DCN: variants seen among roughly 807,000 people sequenced by gnomAD.
DCN encodes the protein bone proteoglycan II.
A neutral mutation model predicts 36.5 loss-of-function variants in DCN; 17 were observed. The ratio of observed to expected loss-of-function variants is 0.47; its 90% CI spans 0.32 to 0.70. The LOEUF (loss-of-function observed/expected upper bound fraction) is 0.70. Ranked by LOEUF, DCN falls within the 30% of genes least tolerant of loss-of-function variation. DCN has a pLI of 0.04. For missense variants in DCN, 389 were observed against 430.1 expected (o/e 0.90, Z 0.84); for synonymous variants, 163 against 161.4 (o/e 1.01, Z -0.07).
intron 1 of DCN, among the ~76,000 whole-genome samples, chr12:91,182,113 TA>T (rs1868427239): frequency 6.6e-6 from 1 of 152,130 alleles, no homozygotes; most frequent in Admixed American, 6.6e-5. Flanking sequence ...TTTAATAACA[TA>T]AATATTTTCA....
rs1421741249 is a variant in DCN at position 91,146,192 on chromosome 12, C to T, written c.946G>A (p.Gly316Arg). 3.7e-6 allele frequency: 6 copies of T among 1,613,328 alleles called. No individual in the cohort carries two copies. The highest frequency in any genetic ancestry group is 2.7e-5 in the African/African-American group (2 of 74,792). ...TAAGAAGCCTTTTTGGTGTTGTGTC[C>T]AGGTGGGCAGAAGTCACTTGATCCA... The part of the protein sequence containing the change: ...VVGSSDFCPP[G>R]HNTKKASYSG... Residue 316 changes from glycine (G) to arginine (R), a missense_variant, in exon 8 of 8, where the codon GGA (glycine) becomes AGA (arginine). By Grantham distance (125) the Gly-to-Arg change is moderately radical. Coordinates refer to ENST00000052754, the MANE Select transcript of DCN (RefSeq NM_001920.5).
At chr12:91,173,142 G>A (rs1432048749) in intron 2 of DCN, among the ~76,000 whole-genome samples, 1 of 151,810 alleles carries the variant, frequency 6.6e-6, no homozygotes, top group Admixed American at 6.6e-5. Flanking sequence ...GAGGAACTAT[G>A]TAATCTTTTT....
At chr12:91,182,551 T>C (rs1565792858) in intron 1 of DCN, 104 bp downstream of exon 1, 1 of 152,116 alleles carries the variant, frequency 6.6e-6, no homozygotes, top group Non-Finnish European at 1.5e-5. Flanking sequence ...TAACAGTTTT[T>C]TTTTTCCTTT....
chr12:91,169,397 A>C lies in DCN; in HGVS notation c.212-4680T>G, dbSNP rs560980736. Among the ~76,000 whole-genome samples the C allele has an allele frequency of 5.3e-3, 809 of 151,252 alleles. 5 individuals are homozygous for C. The highest frequency in any genetic ancestry group is 0.017 in the South Asian group (79 of 4,762). On this transcript the variant is annotated intron_variant, in intron 2 of 7. Transcript: ENST00000052754. ...TCCTGTCAAAAAAAAAAAAAAAAAA[A>C]AAAACCAAAAAACAGAAGCTATTTT...
chr12:91,172,593 CT>C, intron 2 of DCN: 1 of 476,324 alleles, frequency 2.1e-6, no homozygotes, highest in Non-Finnish European at 3.7e-6. Context: ...AATTTCTAAG[CT>C]TCCTGGTTTT....
At chr12:91,167,695 G>A (rs555907390) in intron 2 of DCN, among the ~76,000 whole-genome samples, 41 of 152,274 alleles carry the variant, frequency 2.7e-4, no homozygotes, top group African/African-American at 9.9e-4. Context: ...TTTTAAGGCA[G>A]TCTAATCTTC....
intron 2 of DCN, chr12:91,177,332 C>T (rs895617602): frequency 2.1e-6 from 1 of 479,390 alleles, no homozygotes; most frequent in African/African-American, 2.0e-5. Flanking sequence ...CATTTTTCTT[C>T]TGCAAACTAC....
chr12:91,169,921 G>T (rs985153151), intron 2 of DCN: 3 of 152,004 alleles, frequency 2.0e-5, no homozygotes, highest in Admixed American at 6.6e-5. Flanking sequence ...AAAATTAGCC[G>T]GGCGTGGTGG....
intron 1 of DCN, among the ~76,000 whole-genome samples, chr12:91,179,997 A>C (rs1187785880): frequency 2.6e-5 from 4 of 152,202 alleles, no homozygotes; most frequent in Non-Finnish European, 5.9e-5. Context: ...AAATCAACTG[A>C]AGTGCACTAA....
intron 7 of DCN, among the ~76,000 whole-genome samples, chr12:91,149,789 C>T (rs1367538390): frequency 1.3e-5 from 2 of 152,050 alleles, no homozygotes; most frequent in African/African-American, 4.8e-5. Context: ...TATGTTTATA[C>T]ATTAGCAGCA....
chr12:91,162,382 A>G (rs571876151), intron 3 of DCN, among the ~76,000 whole-genome samples: 16 of 152,316 alleles, frequency 1.1e-4, no homozygotes, highest in African/African-American at 3.8e-4. Flanking sequence ...AAAGTTTATA[A>G]CTAAATGGTA....
rs1247944180 is a variant in DCN, at chr12:91,141,905, G to T, written c.*4153C>A. On this transcript the variant is annotated 3_prime_UTR_variant, in exon 8 of 8. Coordinates refer to ENST00000052754, the MANE Select transcript of DCN (RefSeq NM_001920.5). ...GTTATCTTATACTGGGGTAGGGTGTGCATATGCCCTTTCTTTTGGCTCAAA... is the reference window on the plus strand; with the variant it reads ...GTTATCTTATACTGGGGTAGGGTGTTCATATGCCCTTTCTTTTGGCTCAAA... 1 of 152,136 alleles carries T rather than the reference G, an allele frequency of 6.6e-6. No individual in the cohort carries two copies. Among genetic ancestry groups the T allele is most frequent in the Non-Finnish European group, 1.5e-5 (1 of 68,020 alleles). 9.4% of individuals were successfully genotyped at this position (152,136 alleles called of 1,614,324 possible). A position where few individuals can be genotyped will look rare whatever the true frequency, so the allele number is the denominator to read the frequency against.
chr12:91,178,373 G>A lies in DCN; in HGVS notation c.180C>T (p.Cys60=). ...LGPVCPFRCQ[C]HLRVVQCSDL... is the part of the protein sequence containing the mutation. ...CAGAACACTGGACCACTCGAAGATG[G>A]CATTGACAGCGGAAGGGGCACACTG... The change falls in exon 2 of 8, where the codon TGC becomes TGT. Residue 60 remains cysteine (C), a synonymous_variant. Transcript: ENST00000052754. The A allele has an allele frequency of 6.2e-7, 1 of 1,613,922 alleles. No homozygotes were observed. The highest frequency in any genetic ancestry group is 8.5e-7 in the Non-Finnish European group (1 of 1,179,960).
At chr12:91,153,528 A>G (rs1881571667) in intron 5 of DCN, among the ~76,000 whole-genome samples, 1 of 152,112 alleles carries the variant, frequency 6.6e-6, no homozygotes, top group East Asian at 1.9e-4. Context: ...ACTGACGTTG[A>G]TAAAAGATAG....
chr12:91,153,269 A>G, intron 5 of DCN, 80 bp from the exon 6 acceptor site: 2 of 822,300 alleles, frequency 2.4e-6, no homozygotes, highest in South Asian at 2.7e-5. Context: ...AAGAAGACAT[A>G]TGCCATCAAT....
intron 7 of DCN, chr12:91,150,729 T>A (rs1472659218): frequency 6.6e-6 from 1 of 152,160 alleles, no homozygotes; most frequent in Admixed American, 6.5e-5. Flanking sequence ...GACCCAGCAA[T>A]CCCATTACTG....
rs1369405529 is a variant in DCN at position 91,145,201 on chromosome 12, ATACT to A, written c.*853_*856del. 5 of 152,350 alleles carry A rather than the reference ATACT, an allele frequency of 3.3e-5. No individual in the cohort carries two copies. Among genetic ancestry groups the A allele is most frequent in the African/African-American group, 1.2e-4 (5 of 41,594 alleles). The allele number at this position is 152,350 out of a possible 1,614,324, so 9.4% of individuals were successfully genotyped here. On this transcript the variant is annotated 3_prime_UTR_variant, in exon 8 of 8. Coordinates refer to ENST00000052754, the MANE Select transcript of DCN (RefSeq NM_001920.5). Reference sequence around the variant, plus strand: ...AACATGGGTGGTTTAACTAAAGAAAATACTTACGTCTAATACATCTAGTAATTGT... The same window carrying A: ...AACATGGGTGGTTTAACTAAAGAAAATACGTCTAATACATCTAGTAATTGT...
At chr12:91,150,391 C>T (rs1006733853) in intron 7 of DCN, among the ~76,000 whole-genome samples, 1 of 152,128 alleles carries the variant, frequency 6.6e-6, no homozygotes, top group African/African-American at 2.4e-5. Flanking sequence ...CTAGGATTAT[C>T]TCAAAATTAG....
chr12:91,164,641 G>C lies in DCN; in HGVS notation c.288C>G (p.Ile96Met). 1 of 1,611,990 alleles carries C rather than the reference G, an allele frequency of 6.2e-7. No individual in the cohort carries two copies. Among genetic ancestry groups the C allele is most frequent in the Non-Finnish European group, 8.5e-7 (1 of 1,178,120 alleles). The stretch of plus-strand genomic sequence containing the variant: ...TCAGGTTCTTAAAGTCTCCATCTTT[G>C]ATTTCGGTTATTTTGTTGTTTTGCA... Reference protein sequence around the residue: ...LDLQNNKITEIKDGDFKNLKN... With the variant: ...LDLQNNKITEMKDGDFKNLKN... The change falls in exon 3 of 8, where the codon ATC becomes ATG. Residue 96 changes from isoleucine to methionine, a missense_variant. By Grantham distance (10) the Ile-to-Met change is conservative. Transcript: ENST00000052754.
Sources: gnomAD v4.1 joint callset for allele counts (sites outside exome capture counted in the v4.1 genomes callset) on GRCh38, gnomAD v4.1.1 for gene constraint, MANE v1.5 for transcripts, NCBI Gene and HGNC (gene_info 2026-07-23, HGNC 2026-07-21) for gene names.